The following IGSF21 variants were observed in gnomAD, a reference collection of about 807,000 sequenced individuals.
IGSF21 encodes immunoglobin superfamily member 21, also known as immunoglobulin superfamily member 21.
A neutral mutation model predicts 46.8 loss-of-function variants in IGSF21; 28 were observed. The ratio of observed to expected loss-of-function variants is 0.60; its 90% CI spans 0.44 to 0.82. The LOEUF is 0.82. Ranked by LOEUF, IGSF21 falls within the 40% of genes least tolerant of loss-of-function variation. IGSF21 has a pLI of 0.00. For missense variants in IGSF21, 624 were observed against 665.5 expected (o/e 0.94, Z 0.69); for synonymous variants, 284 against 273.6 (o/e 1.04, Z -0.38).
intron 1 of IGSF21, among the ~76,000 whole-genome samples, chr1:18,160,416 T>C (rs1394689208): frequency 3.3e-5 from 5 of 152,230 alleles, no homozygotes; most frequent in African/African-American, 7.2e-5. Context: ...AAAAGGCAGA[T>C]GTTATTATAG....
At chr1:18,117,590 CATAT>C (rs1373047099) in intron 1 of IGSF21, among the ~76,000 whole-genome samples, 1 of 152,212 alleles carries the variant, frequency 6.6e-6, no homozygotes, top group Non-Finnish European at 1.5e-5. Context: ...ACCAGGAGGC[CATAT>C]GCACAGTGGC....
At chr1:18,135,368 G>A (rs11261090) in intron 1 of IGSF21, among the ~76,000 whole-genome samples, 69,681 of 151,176 alleles carry the variant, frequency 0.46, 16,930 homozygotes, top group South Asian at 0.58. Context: ...CCACTAACTT[G>A]TCATTTAGCA....
At chr1:18,327,592 A>G (rs560409494) in intron 3 of IGSF21, among the ~76,000 whole-genome samples, 49 of 152,330 alleles carry the variant, frequency 3.2e-4, no homozygotes, top group Admixed American at 9.1e-4. Context: ...GAAGGCAACA[A>G]CATGAATGAA....
chr1:18,354,418 AAG>A (rs1269483415), intron 4 of IGSF21, among the ~76,000 whole-genome samples: 1 of 152,218 alleles, frequency 6.6e-6, no homozygotes, highest in African/African-American at 2.4e-5. Flanking sequence ...AGAAAAAAAA[AAG>A]AAAGAAATTA....
chr1:18,242,075 ATCTG>A (rs2084736021), intron 2 of IGSF21, among the ~76,000 whole-genome samples: 1 of 145,098 alleles, frequency 6.9e-6, no homozygotes, highest in African/African-American at 2.9e-5. Flanking sequence ...TGCCGGAGCC[ATCTG>A]TCTGCAGTAG....
intron 4 of IGSF21, among the ~76,000 whole-genome samples, chr1:18,338,888 G>T (rs1334571864): frequency 6.6e-6 from 1 of 151,796 alleles, no homozygotes. Context: ...TCTTCTGGGG[G>T]TGCAGGTTAG....
intron 1 of IGSF21, among the ~76,000 whole-genome samples, chr1:18,126,844 C>A (rs1557548059): frequency 6.6e-6 from 1 of 152,162 alleles, no homozygotes; most frequent in Non-Finnish European, 1.5e-5. Flanking sequence ...GCCACCCATC[C>A]TCCACCCCTA....
At chr1:18,270,604 T>G (rs1277146714) in intron 2 of IGSF21, among the ~76,000 whole-genome samples, 1 of 152,128 alleles carries the variant, frequency 6.6e-6, no homozygotes, top group Non-Finnish European at 1.5e-5. Flanking sequence ...TCTTGGATGC[T>G]CAGAGCCCAC....
At chr1:18,350,194 C>G (rs2085937341) in intron 4 of IGSF21, among the ~76,000 whole-genome samples, 1 of 152,184 alleles carries the variant, frequency 6.6e-6, no homozygotes, top group Non-Finnish European at 1.5e-5. Flanking sequence ...TGCCATCCAT[C>G]CATTGGATAT....
At chr1:18,119,044 G>C (rs1017501740) in intron 1 of IGSF21, among the ~76,000 whole-genome samples, 3 of 152,134 alleles carry the variant, frequency 2.0e-5, no homozygotes, top group Non-Finnish European at 4.4e-5. Flanking sequence ...GTCACACATG[G>C]CTATGTATTG....
intron 1 of IGSF21, chr1:18,111,960 C>A (rs1348543399): frequency 1.3e-5 from 2 of 152,190 alleles, no homozygotes; most frequent in East Asian, 3.9e-4. Context: ...TCTGATATTT[C>A]AGAACGTCAG....
At chr1:18,317,352 C>A (rs2085553519) in intron 3 of IGSF21, among the ~76,000 whole-genome samples, 1 of 152,156 alleles carries the variant, frequency 6.6e-6, no homozygotes, top group Non-Finnish European at 1.5e-5. Flanking sequence ...AGAGACATTG[C>A]ACAGAGAGGT....
chr1:18,128,802 G>A lies in IGSF21; in HGVS notation c.70+20604G>A, dbSNP rs946472533. ...TTGCTCATTCGCTGTGTGTGTGTGT[G>A]TGTGTGTGTGTATGTCTCTGTGTCA... is the stretch of plus-strand genomic sequence containing the variant. On this transcript the variant is annotated intron_variant, in intron 1 of 9. Coordinates refer to ENST00000251296, the MANE Select transcript of IGSF21 (RefSeq NM_032880.5). Among the ~76,000 whole-genome samples the A allele has an allele frequency of 9.7e-4, 147 of 152,104 alleles. 1 individual carries two copies. Among genetic ancestry groups the A allele is most frequent in the Non-Finnish European group, 1.5e-3 (104 of 67,984 alleles).
intron 4 of IGSF21, among the ~76,000 whole-genome samples, chr1:18,358,093 C>T (rs12027339): frequency 0.27 from 40,496 of 151,430 alleles, 6,368 homozygotes; most frequent in East Asian, 0.41. Context: ...AGGGTGTAAG[C>T]GCCATGCTGT....
intron 3 of IGSF21, among the ~76,000 whole-genome samples, chr1:18,310,738 C>G (rs1373044521): frequency 6.6e-6 from 1 of 152,178 alleles, no homozygotes; most frequent in Non-Finnish European, 1.5e-5. Flanking sequence ...GTTCTCAAGG[C>G]TAGAAGTCTG....
At chr1:18,349,163 A>G (rs911127241) in intron 4 of IGSF21, among the ~76,000 whole-genome samples, 6 of 152,176 alleles carry the variant, frequency 3.9e-5, no homozygotes, top group South Asian at 2.1e-4. Context: ...CTCAGACAGA[A>G]GAAGCAACTT....
intron 1 of IGSF21, among the ~76,000 whole-genome samples, chr1:18,195,244 C>A (rs1238347547): frequency 1.3e-5 from 2 of 152,076 alleles, no homozygotes; most frequent in African/African-American, 4.8e-5. Flanking sequence ...CACCCAAGAG[C>A]GTCTTTGATG....
intron 3 of IGSF21, among the ~76,000 whole-genome samples, chr1:18,296,389 G>A (rs1490226145): frequency 6.6e-6 from 1 of 152,036 alleles, no homozygotes; most frequent in Non-Finnish European, 1.5e-5. Context: ...AAGACCCACA[G>A]AAGTGGTTCT....
intron 1 of IGSF21, among the ~76,000 whole-genome samples, chr1:18,161,186 C>T (rs946015232): frequency 7.9e-5 from 12 of 152,148 alleles, no homozygotes; most frequent in Non-Finnish European, 1.2e-4. Flanking sequence ...CAGCCTCAGC[C>T]TCCTTTCTCC....
Sources: allele counts gnomAD v4.1 joint callset (sites outside exome capture counted in the v4.1 genomes callset), GRCh38; gene constraint gnomAD v4.1.1; transcripts MANE v1.5; gene names NCBI Gene and HGNC (gene_info 2026-07-23, HGNC 2026-07-21).